ATXN8OS: variants seen among roughly 807,000 people sequenced by gnomAD.
ATXN8OS encodes ATXN8 opposite strand (non-protein coding).
intron 4 of ATXN8OS, among the ~76,000 whole-genome samples, chr13:70,154,691 T>C (rs905674037): frequency 2.0e-5 from 3 of 152,176 alleles, no homozygotes; most frequent in African/African-American, 7.2e-5. Context: ...CTCCCAGCAA[T>C]CCCTCAACAA....
chr13:70,167,470 T>G (rs1265783942), intron 4 of ATXN8OS, among the ~76,000 whole-genome samples: 3 of 151,662 alleles, frequency 2.0e-5, no homozygotes, highest in Admixed American at 6.6e-5. Flanking sequence ...TGAGAACACA[T>G]GGACACAGGA....
chr13:70,127,106 A>G (rs1385537497), intron 2 of ATXN8OS, among the ~76,000 whole-genome samples: 3 of 151,786 alleles, frequency 2.0e-5, no homozygotes, highest in Non-Finnish European at 2.9e-5. Context: ...AGAGACAGAA[A>G]GAAAGTTTAA....
intron 2 of ATXN8OS, among the ~76,000 whole-genome samples, chr13:70,122,054 A>C (rs1888366754): frequency 6.6e-6 from 1 of 152,044 alleles, no homozygotes; most frequent in Admixed American, 6.6e-5. Context: ...TATGTTCTAG[A>C]TATCCTGAAA....
chr13:70,126,564 C>T (rs1055572488), intron 2 of ATXN8OS, among the ~76,000 whole-genome samples: 1 of 151,542 alleles, frequency 6.6e-6, no homozygotes, highest in Non-Finnish European at 1.5e-5. Flanking sequence ...ATATTATATA[C>T]ATAAATAGAT....
chr13:70,159,689 T>A (rs1346920797), intron 4 of ATXN8OS, among the ~76,000 whole-genome samples: 1 of 152,198 alleles, frequency 6.6e-6, no homozygotes, highest in Non-Finnish European at 1.5e-5. Flanking sequence ...CTGTCTTTGT[T>A]GTAGCCAAAA....
intron 4 of ATXN8OS, among the ~76,000 whole-genome samples, chr13:70,167,910 G>A (rs1234126565): frequency 6.6e-6 from 1 of 151,440 alleles, no homozygotes; most frequent in Non-Finnish European, 1.5e-5. Flanking sequence ...TAATTTTTTT[G>A]TATTTTTAAT....
At chr13:70,142,369 A>C (rs1288716253) in intron 3 of ATXN8OS, among the ~76,000 whole-genome samples, 2 of 152,214 alleles carry the variant, frequency 1.3e-5, no homozygotes, top group Non-Finnish European at 2.9e-5. Flanking sequence ...TAAAATTGTT[A>C]TTAATTTACC....
At chr13:70,148,425 T>C (rs1888819115) in intron 4 of ATXN8OS, among the ~76,000 whole-genome samples, 1 of 152,126 alleles carries the variant, frequency 6.6e-6, no homozygotes, top group Non-Finnish European at 1.5e-5. Context: ...AATGTTAATA[T>C]TGTTCAGTTT....
At chr13:70,130,554 A>T (rs991841695) in intron 3 of ATXN8OS, 3 of 396,398 alleles carry the variant, frequency 7.6e-6, no homozygotes, top group Admixed American at 8.8e-5. Flanking sequence ...AGTATTTTAA[A>T]ACAAAAAGAA....
intron 3 of ATXN8OS, among the ~76,000 whole-genome samples, chr13:70,131,997 A>C (rs1415018838): frequency 6.6e-6 from 1 of 152,188 alleles, no homozygotes; most frequent in Non-Finnish European, 1.5e-5. Flanking sequence ...TTCCAAATAG[A>C]TAACAAGGAG....
intron 4 of ATXN8OS, among the ~76,000 whole-genome samples, chr13:70,165,314 T>C (rs1889065142): frequency 6.6e-6 from 1 of 151,568 alleles, no homozygotes; most frequent in South Asian, 2.1e-4. Context: ...GGAGAAGAAA[T>C]AGTGATGAAA....
chr13:70,171,209 T>C (rs766865848), exon 5 of ATXN8OS, among the ~76,000 whole-genome samples: 15 of 152,134 alleles, frequency 9.9e-5, no homozygotes, highest in Non-Finnish European at 4.4e-5. Flanking sequence ...GCATTTGCCT[T>C]CTTCCAACAC....
intron 4 of ATXN8OS, among the ~76,000 whole-genome samples, chr13:70,151,491 T>G (rs780852271): frequency 3.3e-5 from 5 of 151,932 alleles, no homozygotes; most frequent in Non-Finnish European, 5.9e-5. Flanking sequence ...GAAAAATGAA[T>G]GTATAGAGAA....
At chr13:70,126,675 C>T (rs188313948) in intron 2 of ATXN8OS, among the ~76,000 whole-genome samples, 26 of 151,204 alleles carry the variant, frequency 1.7e-4, no homozygotes, top group Non-Finnish European at 3.0e-4. Context: ...ATAGCTATGT[C>T]TCGGTAGATA....
intron 4 of ATXN8OS, among the ~76,000 whole-genome samples, chr13:70,153,966 C>T (rs909990843): frequency 6.6e-6 from 1 of 152,134 alleles, no homozygotes; most frequent in African/African-American, 2.4e-5. Flanking sequence ...GGATTACAGG[C>T]ATGAGCCACT....
chr13:70,109,028 T>G (rs1335140749), intron 1 of ATXN8OS, among the ~76,000 whole-genome samples: 5 of 152,118 alleles, frequency 3.3e-5, no homozygotes, highest in Non-Finnish European at 7.4e-5. Flanking sequence ...AGCCTCGGAA[T>G]GAAAGCTGTT....
intron 1 of ATXN8OS, among the ~76,000 whole-genome samples, chr13:70,114,606 G>T (rs1458980521): frequency 1.3e-5 from 2 of 151,754 alleles, no homozygotes; most frequent in African/African-American, 4.8e-5. Context: ...TAAACATAGA[G>T]TATTTTCTTC....
At chr13:70,107,465 A>T (rs751702187), upstream of ATXN8OS, 6 of 1,614,102 alleles carry the variant, frequency 3.7e-6, no homozygotes, top group Admixed American at 8.3e-5. Flanking sequence ...GGGGAGGACG[A>T]TGAAGAGGAA....
intron 3 of ATXN8OS, chr13:70,139,427 T>TGCTGCTGCTGCTGCA (rs1888673932): frequency 1.3e-6 from 1 of 784,092 alleles, no homozygotes; most frequent in East Asian, 2.7e-5. Flanking sequence ...CTGCTGCTGC[T>TGCTGCTGCTGCTGCA]GCATTTTTTA....
Sources: allele counts gnomAD v4.1 joint callset (sites outside exome capture counted in the v4.1 genomes callset), GRCh38; gene constraint gnomAD v4.1.1; transcripts MANE v1.5; gene names NCBI Gene and HGNC (gene_info 2026-07-23, HGNC 2026-07-21).